The following DMXL1 variants were observed in gnomAD, a reference collection of about 807,000 sequenced individuals.
DMXL1 encodes the protein Dmx like 1.
DMXL1 carries 99 observed loss-of-function variants against 319.2 expected under a neutral mutation model. The ratio of observed to expected loss-of-function variants is 0.31; its 90% CI spans 0.26 to 0.37. The LOEUF (loss-of-function observed/expected upper bound fraction) is 0.37. Among genes scored for constraint, DMXL1 ranks in the 10% least tolerant of loss-of-function variants. The pLI is 1.00. For synonymous variants in DMXL1, 1,385 were observed against 1,235.2 expected (o/e 1.12, Z -2.54); for missense variants, 3,745 against 3,595.6 (o/e 1.04, Z -1.06).
intron 7 of DMXL1, among the ~76,000 whole-genome samples, chr5:119,117,653 G>A (rs548371721): frequency 6.6e-6 from 1 of 152,106 alleles, no homozygotes; most frequent in Admixed American, 6.5e-5. Flanking sequence ...GCAAAGAATG[G>A]TGGGAGAGAG....
At chr5:119,207,178 A>T (rs1402319095) in intron 34 of DMXL1, among the ~76,000 whole-genome samples, 1 of 152,204 alleles carries the variant, frequency 6.6e-6, no homozygotes, top group Non-Finnish European at 1.5e-5. Context: ...ACATGTGATT[A>T]CAATAGCAAT....
In DMXL1 at chr5:119,216,886, T is replaced by G. The variant is rs758487430; in HGVS notation, c.7927-15T>G. The G allele has an allele frequency of 8.0e-6, 12 of 1,505,086 alleles. No individual in the cohort carries two copies. The Middle Eastern group carries it at 5.1e-4, about 64-fold the overall frequency. 93.2% of individuals were successfully genotyped at this position (1,505,086 alleles called of 1,614,324 possible). ...AAAATCAGTGCATTTTTGTGTTTTG[T>G]TTCCTTTTATTTAGATAGAAGCAGA... On this transcript the variant is annotated splice_polypyrimidine_tract_variant and intron_variant, in intron 34 of 43. Transcript: ENST00000539542.
chr5:119,185,016 A>G (rs1462771118), intron 28 of DMXL1, among the ~76,000 whole-genome samples: 1 of 152,166 alleles, frequency 6.6e-6, no homozygotes. Flanking sequence ...CAAATTCTCA[A>G]TATATGTATA....
chr5:119,221,515 C>T (rs138004341), intron 37 of DMXL1, among the ~76,000 whole-genome samples: 2 of 152,024 alleles, frequency 1.3e-5, no homozygotes, highest in Non-Finnish European at 2.9e-5. Flanking sequence ...TTACATGAAA[C>T]TGGATTTCAG....
intron 1 of DMXL1, among the ~76,000 whole-genome samples, chr5:119,090,382 G>A (rs1402873475): frequency 6.6e-6 from 1 of 151,712 alleles, no homozygotes; most frequent in East Asian, 1.9e-4. Context: ...TGTCTACCTG[G>A]ATATTTATGT....
At chr5:119,198,877 G>A (rs943708596) in intron 32 of DMXL1, among the ~76,000 whole-genome samples, 5 of 152,064 alleles carry the variant, frequency 3.3e-5, no homozygotes, top group Non-Finnish European at 7.4e-5. Flanking sequence ...ACTAAGCCTG[G>A]TACCCAGTAG....
chr5:119,214,687 AT>A (rs897126047), intron 34 of DMXL1, among the ~76,000 whole-genome samples: 5 of 152,182 alleles, frequency 3.3e-5, no homozygotes, highest in African/African-American at 1.2e-4. Flanking sequence ...TTAAAAAAAA[AT>A]CACCTCAGTT....
chr5:119,094,583 A>T (rs1442080147), intron 1 of DMXL1, among the ~76,000 whole-genome samples: 2 of 152,202 alleles, frequency 1.3e-5, no homozygotes, highest in African/African-American at 4.8e-5. Flanking sequence ...AATGCTTCCA[A>T]CTTTTAAAGT....
chr5:119,171,668 C>A, intron 24 of DMXL1, 110 bp from the exon 25 acceptor site: 1 of 826,708 alleles, frequency 1.2e-6, no homozygotes, highest in Non-Finnish European at 1.8e-6. Flanking sequence ...TTCTATTATG[C>A]TTTTATTTTT....
chr5:119,217,056 A>G, intron 35 of DMXL1, 69 bp downstream of exon 35: 1 of 888,572 alleles, frequency 1.1e-6, no homozygotes, highest in Non-Finnish European at 1.7e-6. Context: ...CTGTTTTATC[A>G]GTTTATCCAG....
chr5:119,095,556 G>A (rs922687706), intron 1 of DMXL1, among the ~76,000 whole-genome samples: 2 of 152,178 alleles, frequency 1.3e-5, no homozygotes, highest in Middle Eastern at 3.2e-3. Context: ...GTGAAGTTGT[G>A]AAGACATGAG....
At chr5:119,205,574 A>C (rs886491847) in intron 33 of DMXL1, among the ~76,000 whole-genome samples, 1 of 152,000 alleles carries the variant, frequency 6.6e-6, no homozygotes, top group Admixed American at 6.5e-5. Context: ...TTACTTTGCA[A>C]TGTTTTGATA....
rs368365647 is a variant in DMXL1 at position 119,149,424 on chromosome 5, A to G, written c.3597A>G (p.Leu1199=). 3.7e-5 allele frequency: 60 copies of G among 1,613,810 alleles called. 1 individual carries two copies. Among genetic ancestry groups the G allele is most frequent in the South Asian group, 1.5e-4 (14 of 91,076 alleles). Residue 1199 remains leucine (L), a synonymous_variant, in exon 18 of 44, where the codon CTA becomes CTG. Coordinates refer to ENST00000539542, the MANE Select transcript of DMXL1 (RefSeq NM_001290321.3). ...TKVVPLSKFV[L]LRSVDLVSSV... ...TTGTGCCCCTTTCTAAATTTGTACT[A>G]TTACGAAGTGTGGACCTAGTTTCTT...
intron 31 of DMXL1, 74 bp from the exon 32 acceptor site, chr5:119,197,678 CTCA>C (rs760583173): frequency 3.3e-5 from 43 of 1,318,276 alleles, no homozygotes; most frequent in Non-Finnish European, 4.5e-5. Context: ...TCTCCCCTCT[CTCA>C]TTTCAGTCTT....
intron 1 of DMXL1, among the ~76,000 whole-genome samples, chr5:119,086,207 G>T (rs944396153): frequency 6.6e-6 from 1 of 152,124 alleles, no homozygotes; most frequent in Admixed American, 6.6e-5. Context: ...ATCAGATCTC[G>T]TGAGACTTAT....
chr5:119,073,220 G>A (rs1750042915), intron 1 of DMXL1, among the ~76,000 whole-genome samples: 1 of 152,070 alleles, frequency 6.6e-6, no homozygotes, highest in Non-Finnish European at 1.5e-5. Context: ...TAATCACCAC[G>A]GCTGGCTAAG....
chr5:119,181,596 C>T (rs1240561728), intron 28 of DMXL1, among the ~76,000 whole-genome samples: 1 of 152,104 alleles, frequency 6.6e-6, no homozygotes, highest in Non-Finnish European at 1.5e-5. Context: ...CCTAGGTGGG[C>T]AGATCACCTG....
At chr5:119,136,793 C>T (rs1423538333) in intron 13 of DMXL1, among the ~76,000 whole-genome samples, 2 of 152,246 alleles carry the variant, frequency 1.3e-5, no homozygotes, top group African/African-American at 4.8e-5. Flanking sequence ...TGAGGCTTGG[C>T]AGCAACCACC....
chr5:119,087,749 T>C (rs937747592), intron 1 of DMXL1, among the ~76,000 whole-genome samples: 1 of 152,180 alleles, frequency 6.6e-6, no homozygotes, highest in Non-Finnish European at 1.5e-5. Context: ...GGCGTTAAAT[T>C]CTCCTACGTT....
Sources: allele counts gnomAD v4.1 joint callset (sites outside exome capture counted in the v4.1 genomes callset), GRCh38; gene constraint gnomAD v4.1.1; transcripts MANE v1.5; gene names NCBI Gene and HGNC (gene_info 2026-07-23, HGNC 2026-07-21).